DOCK3: variants seen among roughly 807,000 people sequenced by gnomAD.
DOCK3 encodes the protein dedicator of cytokinesis protein 3.
DOCK3 carries 60 observed loss-of-function variants against 265.6 expected under a neutral mutation model. The ratio of observed to expected loss-of-function variants is 0.23; its 90% CI spans 0.18 to 0.28. The LOEUF is 0.28. Ranked by LOEUF, DOCK3 falls within the 10% of genes least tolerant of loss-of-function variation. The pLI is 1.00. For missense variants in DOCK3, 1,981 were observed against 2,594.3 expected, an observed-to-expected ratio of 0.76 and a Z score of 5.14; for synonymous variants, 881 against 938.0, an observed-to-expected ratio of 0.94 and a Z score of 1.11.
At chr3:50,887,184 A>C (rs1553694081) in intron 3 of DOCK3, among the ~76,000 whole-genome samples, 5 of 152,082 alleles carry the variant, frequency 3.3e-5, no homozygotes, top group Non-Finnish European at 4.4e-5. Flanking sequence ...AGGGGATATC[A>C]CCACCGATCC....
At chr3:51,077,457 T>G (rs914732127) in intron 7 of DOCK3, among the ~76,000 whole-genome samples, 2 of 152,170 alleles carry the variant, frequency 1.3e-5, no homozygotes, top group Admixed American at 1.3e-4. Context: ...GCAGGAGAAC[T>G]TAATTTCAGT....
chr3:51,343,651 T>G (rs1024908109), intron 38 of DOCK3, among the ~76,000 whole-genome samples: 2 of 152,224 alleles, frequency 1.3e-5, no homozygotes, highest in African/African-American at 4.8e-5. Flanking sequence ...GCATTGCACC[T>G]GTAGTACACT....
intron 2 of DOCK3, chr3:50,787,650 G>T (rs2042251826): frequency 2.3e-6 from 3 of 1,302,700 alleles, no homozygotes; most frequent in Non-Finnish European, 3.3e-6. Flanking sequence ...CACTCTTCCT[G>T]CAACCTCTTG....
At chr3:51,102,629 A>G (rs929966061) in intron 9 of DOCK3, among the ~76,000 whole-genome samples, 3 of 152,240 alleles carry the variant, frequency 2.0e-5, no homozygotes, top group African/African-American at 7.2e-5. Context: ...ACAAAAGAAC[A>G]GAAGAAATAG....
At chr3:51,332,974 A>G (rs2084627659) in intron 33 of DOCK3, 27 bp from the exon 34 acceptor site, 1 of 1,613,814 alleles carries the variant, frequency 6.2e-7, no homozygotes, top group Non-Finnish European at 8.5e-7. Flanking sequence ...TAACCTCCTT[A>G]TCTTTGCTTT....
chr3:51,346,255 CATTAGGTATATCTCCTA>C (rs1186762392), intron 38 of DOCK3, among the ~76,000 whole-genome samples: 1 of 152,066 alleles, frequency 6.6e-6, no homozygotes, highest in Non-Finnish European at 1.5e-5. Flanking sequence ...TTGTCATTTA[CATTAGGTATATCTCCTA>C]ATGCTATCCC....
chr3:51,356,647 CCTTCT>C (rs1399210780), intron 43 of DOCK3, among the ~76,000 whole-genome samples, 154 bp downstream of exon 43: 1 of 152,084 alleles, frequency 6.6e-6, no homozygotes, highest in Non-Finnish European at 1.5e-5. Flanking sequence ...TCTTTGTGTA[CCTTCT>C]CTTATCTAAT....
intron 1 of DOCK3, among the ~76,000 whole-genome samples, chr3:50,677,148 T>A (rs2034030194): frequency 6.6e-6 from 1 of 152,226 alleles, no homozygotes; most frequent in Non-Finnish European, 1.5e-5. Flanking sequence ...AGCTTAATGC[T>A]TGCTAAATGA....
intron 5 of DOCK3, among the ~76,000 whole-genome samples, chr3:51,026,191 G>T (rs13326451): frequency 2.7e-3 from 416 of 152,182 alleles, no homozygotes; most frequent in African/African-American, 9.6e-3. Flanking sequence ...ATGAAGTGAC[G>T]TTGGATTTTA....
At chr3:51,199,638 A>C (rs2088575305) in intron 12 of DOCK3, among the ~76,000 whole-genome samples, 1 of 152,238 alleles carries the variant, frequency 6.6e-6, no homozygotes, top group African/African-American at 2.4e-5. Context: ...AGACAGCAGT[A>C]ACCTCTGCAG....
chr3:51,070,510 T>C (rs1329163661), intron 6 of DOCK3, among the ~76,000 whole-genome samples: 4 of 152,156 alleles, frequency 2.6e-5, no homozygotes, highest in Non-Finnish European at 4.4e-5. Context: ...CCCAAAGTGC[T>C]TAGAGATGAT....
chr3:51,229,964 A>T (rs993533864), intron 19 of DOCK3, among the ~76,000 whole-genome samples: 2 of 152,156 alleles, frequency 1.3e-5, no homozygotes, highest in Admixed American at 1.3e-4. Context: ...TATTCCGCAT[A>T]TAAGTGTGAT....
chr3:50,740,277 T>G (rs2038930906), intron 1 of DOCK3, among the ~76,000 whole-genome samples: 1 of 152,172 alleles, frequency 6.6e-6, no homozygotes, highest in South Asian at 2.1e-4. Context: ...TGTTGATAGA[T>G]ATATGGATTA....
intron 1 of DOCK3, among the ~76,000 whole-genome samples, chr3:50,729,561 G>GT (rs1158359613): frequency 6.6e-6 from 1 of 151,692 alleles, no homozygotes; most frequent in East Asian, 1.9e-4. Flanking sequence ...TTTAAGAGAG[G>GT]GTCTCATTCT....
intron 9 of DOCK3, among the ~76,000 whole-genome samples, chr3:51,119,133 G>T (rs559726170): frequency 2.0e-5 from 3 of 152,066 alleles, no homozygotes; most frequent in African/African-American, 7.2e-5. Context: ...TCCATAGTTA[G>T]TGCCTCCTTC....
At chr3:50,756,778 A>G (rs1037695845) in intron 1 of DOCK3, among the ~76,000 whole-genome samples, 5 of 152,178 alleles carry the variant, frequency 3.3e-5, no homozygotes, top group Admixed American at 6.5e-5. Flanking sequence ...ACCAATTACT[A>G]ATGATGTGGA....
Position 51,375,766 on chromosome 3 carries a change from G to A in DOCK3, c.5431G>A (p.Ala1811Thr), listed in dbSNP as rs1386751709. 1 of 1,613,992 alleles carries A rather than the reference G, an allele frequency of 6.2e-7. No individual in the cohort carries two copies. Among genetic ancestry groups the A allele is most frequent in the Non-Finnish European group, 8.5e-7 (1 of 1,179,880 alleles). The change falls in exon 51 of 53, where the codon GCC becomes ACC. Residue 1811 changes from alanine (A) to threonine (T), a missense_variant. Ala to Thr is a moderately conservative substitution (Grantham distance 58). This residue lies in a region of DOCK3 where 1,357 missense variants were observed against 1,866.8 expected (regional missense o/e 0.73). Coordinates refer to ENST00000266037, the MANE Select transcript of DOCK3 (RefSeq NM_004947.5). ...CCTTCAGCCGCCGAATTTCCAGCGA[G>A]CCCTGTTCCAGCAAGTGGTCGGAGC... ...ENGQPPNFQR[A>T]LFQQVVGACK...
At chr3:50,729,158 A>C (rs2038029829) in intron 1 of DOCK3, among the ~76,000 whole-genome samples, 1 of 147,852 alleles carries the variant, frequency 6.8e-6, no homozygotes, top group Non-Finnish European at 1.5e-5. Context: ...CATCTCTACA[A>C]AAAAATACAA....
At chr3:50,892,055 T>G (rs1361527068) in intron 4 of DOCK3, among the ~76,000 whole-genome samples, 1 of 152,036 alleles carries the variant, frequency 6.6e-6, no homozygotes, top group East Asian at 1.9e-4. Context: ...GTCCAATAAG[T>G]TGATGGTCCA....
Sources: gnomAD v4.1 joint callset for allele counts (sites outside exome capture counted in the v4.1 genomes callset) on GRCh38, gnomAD v4.1.1 for gene constraint, gnomAD v4.1.1 regional missense constraint, MANE v1.5 for transcripts, NCBI Gene and HGNC (gene_info 2026-07-23, HGNC 2026-07-21) for gene names.